The following CCDC85A variants were observed in gnomAD, a reference collection of about 807,000 sequenced individuals.
CCDC85A encodes the protein coiled-coil domain containing 85A, also known as coiled-coil domain-containing protein 85A.
A neutral mutation model predicts 50.2 loss-of-function variants in CCDC85A; 38 were observed. The ratio of observed to expected loss-of-function variants is 0.76; its 90% CI spans 0.58 to 0.99. The LOEUF (loss-of-function observed/expected upper bound fraction) is 0.99. Among genes scored for constraint, CCDC85A ranks in the 50% least tolerant of loss-of-function variants. The pLI, the probability that CCDC85A is intolerant of heterozygous loss-of-function variation, is 0.00. For missense variants in CCDC85A, 820 were observed against 742.0 expected (o/e 1.11, Z -1.22); for synonymous variants, 366 against 301.4 (o/e 1.21, Z -2.22).
Position 56,312,873 on chromosome 2 carries a change from T to TAAC in CCDC85A, c.1241-30005_1241-30004insACA, listed in dbSNP as rs199948324. 8.1e-3 allele frequency among the ~76,000 whole-genome samples: 1,241 copies of TAAC among 152,290 alleles called. 25 individuals are homozygous for TAAC. Among genetic ancestry groups the TAAC allele is most frequent in the African/African-American group, 0.028 (1,167 of 41,554 alleles). On this transcript the variant is annotated intron_variant, in intron 2 of 5. Transcript: ENST00000407595. ...TATAAGTCTTAAAACTGATTTGATA[T>TAAC]ATTTGTAGTTTTATATATCAAGGAT...
At chr2:56,215,435 G>C (rs1394544729) in intron 2 of CCDC85A, among the ~76,000 whole-genome samples, 2 of 151,880 alleles carry the variant, frequency 1.3e-5, no homozygotes, top group Non-Finnish European at 2.9e-5. Flanking sequence ...GATTGAAAAG[G>C]AATGGTGGGA....
intron 2 of CCDC85A, among the ~76,000 whole-genome samples, chr2:56,252,160 C>T (rs1362303545): frequency 6.6e-6 from 1 of 151,868 alleles, no homozygotes; most frequent in Non-Finnish European, 1.5e-5. Flanking sequence ...GATTCTCCTG[C>T]CTCAGCCTCC....
At position 56,193,094 on chromosome 2, in the gene CCDC85A, A is replaced by G. The variant is rs1267647025; in HGVS notation, c.894A>G (p.Pro298=). ...CCGAACAGCAAAGGCACCCGCATCC[A>G]GGGAGCAGCCCCGAAACGCTGCCCA... ...GSPEQQRHPH[P]GSSPETLPKH... is the part of the protein sequence containing the mutation. Residue 298 remains proline (P), a synonymous_variant, in exon 2 of 6, where the codon CCA becomes CCG. Coordinates refer to ENST00000407595, the MANE Select transcript of CCDC85A (RefSeq NM_001080433.2). 6.2e-7 allele frequency: 1 copy of G among 1,613,796 alleles called. No homozygotes were observed.
At chr2:56,221,984 G>T (rs1247474015) in intron 2 of CCDC85A, among the ~76,000 whole-genome samples, 2 of 151,972 alleles carry the variant, frequency 1.3e-5, no homozygotes, top group African/African-American at 2.4e-5. Flanking sequence ...AGAGGAAATT[G>T]GGCCAAACTG....
chr2:56,371,450 C>T (rs1032259439), intron 3 of CCDC85A, among the ~76,000 whole-genome samples: 2 of 151,952 alleles, frequency 1.3e-5, no homozygotes, highest in African/African-American at 2.4e-5. Flanking sequence ...CTAAAGTCAA[C>T]CTCAACATTT....
At chr2:56,261,427 C>T (rs543413772) in intron 2 of CCDC85A, among the ~76,000 whole-genome samples, 2 of 152,290 alleles carry the variant, frequency 1.3e-5, no homozygotes, top group Non-Finnish European at 2.9e-5. Context: ...TATCAGTTAA[C>T]CAAATTCATA....
At chr2:56,288,270 C>T (rs183730871) in intron 2 of CCDC85A, among the ~76,000 whole-genome samples, 1 of 151,620 alleles carries the variant, frequency 6.6e-6, no homozygotes, top group Admixed American at 6.6e-5. Flanking sequence ...CACTTCCCAC[C>T]ACTCCTTACT....
In CCDC85A at chr2:56,266,153, A is replaced by G. The variant is rs188281169; in HGVS notation, c.1240+72713A>G. 2.0e-3 allele frequency among the ~76,000 whole-genome samples: 304 copies of G among 152,316 alleles called. 1 individual carries two copies. The Middle Eastern group carries it at 0.031, about 15-fold the overall frequency. On this transcript the variant is annotated intron_variant, in intron 2 of 5. Transcript: ENST00000407595. ...GCTAGGGGAGTGAGAGTTGCAGGAT[A>G]TGGGTGGGGAAAGGGGAAATGTCAG...
At chr2:56,185,378 C>T (rs529359400) in intron 1 of CCDC85A, among the ~76,000 whole-genome samples, 64 of 152,128 alleles carry the variant, frequency 4.2e-4, no homozygotes, top group Middle Eastern at 3.4e-3. Context: ...GAGCGGCTGG[C>T]GGGGCGCCCG....
intron 2 of CCDC85A, among the ~76,000 whole-genome samples, chr2:56,334,312 T>C (rs970896248): frequency 2.2e-4 from 34 of 152,126 alleles, no homozygotes; most frequent in African/African-American, 8.2e-4. Context: ...ATAATAACTA[T>C]TGGGTGAGGA....
At chr2:56,266,983 G>A (rs1217956762) in intron 2 of CCDC85A, among the ~76,000 whole-genome samples, 1 of 151,990 alleles carries the variant, frequency 6.6e-6, no homozygotes, top group African/African-American at 2.4e-5. Flanking sequence ...GATATTTGTG[G>A]TTTTTCTATT....
chr2:56,305,316 G>A (rs943743672), intron 2 of CCDC85A, among the ~76,000 whole-genome samples: 14 of 152,164 alleles, frequency 9.2e-5, no homozygotes, highest in African/African-American at 3.4e-4. Flanking sequence ...CTTCCAACAA[G>A]CATGTGAGGT....
chr2:56,297,431 A>G lies in CCDC85A; in HGVS notation c.1241-45448A>G, dbSNP rs527444120. ...TTTAATTGTGTGACCTTTGTGTGAA[A>G]TAACTATATATTTTTTCTGTTTCCA... is the stretch of plus-strand genomic sequence containing the variant. On this transcript the variant is annotated intron_variant, in intron 2 of 5. Coordinates refer to ENST00000407595, the MANE Select transcript of CCDC85A (RefSeq NM_001080433.2). Among the ~76,000 whole-genome samples, 3 of 151,358 alleles carry G rather than the reference A, an allele frequency of 2.0e-5. No individual in the cohort carries two copies. The East Asian group carries it at 5.8e-4, about 29-fold the overall frequency.
At chr2:56,225,374 C>A (rs953388708) in intron 2 of CCDC85A, among the ~76,000 whole-genome samples, 1 of 151,972 alleles carries the variant, frequency 6.6e-6, no homozygotes, top group Non-Finnish European at 1.5e-5. Flanking sequence ...TGCAGTGAGC[C>A]GAGACTGCGC....
chr2:56,378,388 A>C (rs1048660355), intron 5 of CCDC85A, among the ~76,000 whole-genome samples: 2 of 152,216 alleles, frequency 1.3e-5, no homozygotes, highest in Non-Finnish European at 2.9e-5. Context: ...TATGATAACT[A>C]TTAATTGGAG....
At chr2:56,265,736 G>A (rs1168361969) in intron 2 of CCDC85A, among the ~76,000 whole-genome samples, 1 of 152,112 alleles carries the variant, frequency 6.6e-6, no homozygotes, top group Non-Finnish European at 1.5e-5. Context: ...ACAGTGTGGA[G>A]GTGCCTCAAA....
intron 2 of CCDC85A, among the ~76,000 whole-genome samples, chr2:56,271,440 G>A (rs541307009): frequency 6.6e-6 from 1 of 152,292 alleles, no homozygotes; most frequent in African/African-American, 2.4e-5. Flanking sequence ...GGGACATTGT[G>A]TGTGAGCCAG....
chr2:56,230,807 G>A (rs1043518667), intron 2 of CCDC85A, among the ~76,000 whole-genome samples: 20 of 152,128 alleles, frequency 1.3e-4, no homozygotes, highest in Admixed American at 5.9e-4. Context: ...TCTGTCTTTC[G>A]TCTCTTGACC....
At chr2:56,208,176 A>G (rs1351216404) in intron 2 of CCDC85A, among the ~76,000 whole-genome samples, 1 of 151,788 alleles carries the variant, frequency 6.6e-6, no homozygotes, top group Non-Finnish European at 1.5e-5. Flanking sequence ...TATCCATACA[A>G]TGAGGTCACA....
Sources: gnomAD v4.1 joint callset for allele counts (sites outside exome capture counted in the v4.1 genomes callset) on GRCh38, gnomAD v4.1.1 for gene constraint, MANE v1.5 for transcripts, NCBI Gene and HGNC (gene_info 2026-07-23, HGNC 2026-07-21) for gene names.